The following RP1 variants were observed in gnomAD, a reference collection of about 807,000 sequenced individuals.
RP1 encodes the protein RP1 axonemal microtubule associated.
Under a neutral mutation model 14.8 loss-of-function variants are expected in RP1, and 16 were observed. The ratio of observed to expected loss-of-function variants is 1.08; its 90% CI spans 0.73 to 1.65. RP1 has a LOEUF of 1.65. Among genes scored for constraint, RP1 ranks in the 40% most tolerant of loss-of-function variants. The probability of loss-of-function intolerance (pLI) is 0.00; values close to 1 mark genes in which losing one functional copy is unlikely to be tolerated. For synonymous variants in RP1, 876 were observed against 883.6 expected, an observed-to-expected ratio of 0.99 and a Z score of 0.15; for missense variants, 2,631 against 2,535.0, an observed-to-expected ratio of 1.04 and a Z score of -0.81.
In RP1 at chr8:54,625,283, G is replaced by A; in HGVS notation, c.1401G>A (p.Val467=). 6.2e-7 allele frequency: 1 copy of A among 1,614,170 alleles called. No homozygotes were observed. Among genetic ancestry groups the A allele is most frequent in the Non-Finnish European group, 8.5e-7 (1 of 1,180,028 alleles). The change falls in exon 4 of 4, where the codon GTG becomes GTA. Residue 467 remains valine (V), a synonymous_variant. Coordinates refer to ENST00000220676, the MANE Select transcript of RP1 (RefSeq NM_006269.2). ...VRQKKSVIGS[V]TLVSETEVQE... ...AAAAGAAATCTGTGATTGGCAGTGT[G>A]ACCTTAGTATCTGAAACTGAGGTTC...
chr8:54,761,391 C>T (rs1380543343), intron 22 of RP1, among the ~76,000 whole-genome samples: 1 of 152,022 alleles, frequency 6.6e-6, no homozygotes, highest in African/African-American at 2.4e-5. Context: ...CATGTACCAC[C>T]ATGCCTGGCT....
intron 24 of RP1, among the ~76,000 whole-genome samples, chr8:54,794,950 C>T (rs139890049): frequency 4.6e-5 from 7 of 151,836 alleles, no homozygotes; most frequent in African/African-American, 1.4e-4. Context: ...GACATTTTCC[C>T]AAAGAAGACA....
rs1049413921 is a variant in RP1, at chr8:54,656,240, G to T, written c.1171+25G>T. 6 of 1,525,404 alleles carry T rather than the reference G, an allele frequency of 3.9e-6. No homozygotes were observed. In the African/African-American group the frequency reaches 8.3e-5, roughly 21 times the overall value. 94.5% of individuals were successfully genotyped at this position (1,525,404 alleles called of 1,614,324 possible). A position where few individuals can be genotyped will look rare whatever the true frequency, so the allele number is the denominator to read the frequency against. On this transcript the variant is annotated intron_variant, in intron 6 of 22. Transcript: ENST00000636932. ...GGTAGGAAAGATTCAACTCCAGGTA[G>T]CATGGATAAAACTTGTTTGCCTAAA... is the stretch of plus-strand genomic sequence containing the variant.
chr8:54,654,575 A>G (rs1186084085), intron 5 of RP1, among the ~76,000 whole-genome samples: 1 of 152,202 alleles, frequency 6.6e-6, no homozygotes, highest in Non-Finnish European at 1.5e-5. Flanking sequence ...CACACTTAAC[A>G]TGCATTTATA....
intron 24 of RP1, among the ~76,000 whole-genome samples, chr8:54,814,009 G>A (rs1212945497): frequency 2.0e-5 from 3 of 152,130 alleles, no homozygotes; most frequent in African/African-American, 7.2e-5. Flanking sequence ...TGTAAATAGG[G>A]AGAATTATGT....
At chr8:54,767,083 G>A (rs1809778526) in intron 22 of RP1, among the ~76,000 whole-genome samples, 2 of 152,158 alleles carry the variant, frequency 1.3e-5, no homozygotes, top group Non-Finnish European at 2.9e-5. Flanking sequence ...TTGTTGACTG[G>A]CAGTCACCCC....
Position 54,628,890 on chromosome 8 carries a change from G to A in RP1, c.5008G>A (p.Ala1670Thr), listed in dbSNP as rs446227. 407,859 of 1,613,814 alleles carry A rather than the reference G, an allele frequency of 0.25. 53,835 individuals are homozygous for A. Among genetic ancestry groups the A allele is most frequent in the East Asian group, 0.41 (18,255 of 44,860 alleles). ...TGTGGAATTTCAGTGTTCCAGGAAA[G>A]CAAGTCTTTATGATTCTGAAGGGCA... ...NSVEFQCSRK[A>T]SLYDSEGQSF... is the part of the protein sequence containing the mutation. Residue 1670 changes from alanine (A) to threonine (T), a missense_variant, in exon 4 of 4, where the codon GCA becomes ACA. Transcript: ENST00000220676.
chr8:54,636,752 A>C (rs1806353885), intron 3 of RP1, among the ~76,000 whole-genome samples: 1 of 152,166 alleles, frequency 6.6e-6, no homozygotes, highest in African/African-American at 2.4e-5. Flanking sequence ...AAACAAAAAC[A>C]AAAAACACAC....
chr8:54,757,471 G>A (rs1182616929), intron 21 of RP1, among the ~76,000 whole-genome samples: 1 of 152,226 alleles, frequency 6.6e-6, no homozygotes, highest in Non-Finnish European at 1.5e-5. Flanking sequence ...GATAATCCCA[G>A]TAAGCACTGG....
intron 16 of RP1, among the ~76,000 whole-genome samples, chr8:54,721,329 T>C (rs751793602): frequency 1.3e-5 from 2 of 152,210 alleles, no homozygotes; most frequent in Non-Finnish European, 2.9e-5. Context: ...ACAGTGAGTA[T>C]GCCATCTGCC....
intron 14 of RP1, among the ~76,000 whole-genome samples, chr8:54,705,646 C>T (rs1808132724): frequency 6.6e-6 from 1 of 152,176 alleles, no homozygotes; most frequent in Non-Finnish European, 1.5e-5. Flanking sequence ...GAGATTACCA[C>T]TCAGAAGCTG....
chr8:54,603,740 A>T (rs1418260531), intron 1 of RP1, among the ~76,000 whole-genome samples: 1 of 152,144 alleles, frequency 6.6e-6, no homozygotes, highest in Admixed American at 6.5e-5. Flanking sequence ...GTTCTCCTTG[A>T]AGAAGTCCTT....
intron 24 of RP1, among the ~76,000 whole-genome samples, chr8:54,800,634 A>G (rs1810683085): frequency 1.3e-5 from 2 of 152,268 alleles, no homozygotes; most frequent in South Asian, 4.1e-4. Flanking sequence ...GAATCTGTCA[A>G]TGAGGCTGTC....
At chr8:54,720,156 A>G in exon 16 of RP1, 1 of 1,534,922 alleles carries the variant, frequency 6.5e-7, no homozygotes, top group South Asian at 1.2e-5. Context: ...CTGTCATTTT[A>G]AAATTAAGAA....
chr8:54,778,321 CTTTTTT>C (rs35643905), intron 23 of RP1, among the ~76,000 whole-genome samples: 2 of 96,768 alleles, frequency 2.1e-5, no homozygotes, highest in African/African-American at 3.7e-5. Context: ...GCTTCTTCTT[CTTTTTT>C]TTTTTTTTTT....
chr8:54,706,706 T>G, intron 15 of RP1: 1 of 1,516,822 alleles, frequency 6.6e-7, no homozygotes, highest in Non-Finnish European at 8.9e-7. Flanking sequence ...CATTTGCCAG[T>G]TGTAGACATG....
At chr8:54,565,695 G>C (rs773141125) in intron 1 of RP1, among the ~76,000 whole-genome samples, 3 of 152,172 alleles carry the variant, frequency 2.0e-5, no homozygotes, top group Non-Finnish European at 4.4e-5. Flanking sequence ...TTACTCTCTG[G>C]GGGTGGAGAG....
exon 6 of RP1, chr8:54,656,164 G>A (rs1806751037): frequency 1.3e-6 from 2 of 1,535,594 alleles, no homozygotes; most frequent in African/African-American, 1.4e-5. Flanking sequence ...AGAGGATGGG[G>A]AAATCTGTCG....
In RP1 at chr8:54,620,941, T is replaced by G. The variant is rs749844078; in HGVS notation, c.-12-14T>G. 1 of 1,613,020 alleles carries G rather than the reference T, an allele frequency of 6.2e-7. No homozygotes were observed. The highest frequency in any genetic ancestry group is 1.7e-5 in the Admixed American group (1 of 60,012). ...GGTGCTGTGATTCTGGAGATAATTT[T>G]CTTTCTTCTCTAGGTCTCAGCCAAA... On this transcript the variant is annotated splice_polypyrimidine_tract_variant and intron_variant, in intron 1 of 3. Coordinates refer to ENST00000220676, the MANE Select transcript of RP1 (RefSeq NM_006269.2).
Sources: gnomAD v4.1 joint callset for allele counts (sites outside exome capture counted in the v4.1 genomes callset) on GRCh38, gnomAD v4.1.1 for gene constraint, MANE v1.5 for transcripts, NCBI Gene and HGNC (gene_info 2026-07-23, HGNC 2026-07-21) for gene names.